The following CFHR4 variants were observed in gnomAD, a reference collection of about 807,000 sequenced individuals.
CFHR4 encodes complement factor H-related protein 4.
In CFHR4, 64 loss-of-function variants were observed where a neutral mutation model predicts 69.3. The observed-to-expected ratio is 0.92, with a 90% CI of 0.76 to 1.14. The LOEUF is 1.14. Among genes scored for constraint, CFHR4 ranks in the 50% most tolerant of loss-of-function variants. The pLI is 0.00. For synonymous variants in CFHR4, 244 were observed against 237.0 expected (o/e 1.03, Z -0.27); for missense variants, 636 against 684.9 (o/e 0.93, Z 0.80).
chr1:196,912,570 C>A lies in CFHR4; in HGVS notation c.998-170C>A, dbSNP rs527381977. Among the ~76,000 whole-genome samples, 22 of 151,516 alleles carry A rather than the reference C, an allele frequency of 1.5e-4. 2 individuals carry two copies. Among genetic ancestry groups the A allele is most frequent in the African/African-American group, 5.4e-4 (22 of 41,116 alleles). On this transcript the variant is annotated intron_variant, in intron 6 of 9. Transcript: ENST00000608469. The stretch of plus-strand genomic sequence containing the variant: ...GTCTTCAACATTTCCTTCAGAAATT[C>A]GTGGTTTCCTTTAAGAACACGGATG...
chr1:196,904,998 A>G, intron 2 of CFHR4, 110 bp from the exon 3 acceptor site: 1 of 1,073,272 alleles, frequency 9.3e-7, no homozygotes, highest in Non-Finnish European at 1.3e-6. Context: ...TTTTCAATTC[A>G]TTAACAGATG....
At chr1:196,900,833 T>C (rs2124947118) in intron 1 of CFHR4, among the ~76,000 whole-genome samples, 1 of 151,240 alleles carries the variant, frequency 6.6e-6, no homozygotes, top group Admixed American at 6.6e-5. Flanking sequence ...AAGCTCAACT[T>C]TGGAAGTTCA....
intron 1 of CFHR4, among the ~76,000 whole-genome samples, chr1:196,891,667 A>G (rs7366238): frequency 0.23 from 35,252 of 150,828 alleles, 5,957 homozygotes; most frequent in East Asian, 0.72. Flanking sequence ...GAACGTAAAT[A>G]TTAATTTCTC....
intron 1 of CFHR4, among the ~76,000 whole-genome samples, chr1:196,896,216 A>C (rs1193720656): frequency 6.7e-6 from 1 of 149,970 alleles, no homozygotes; most frequent in Admixed American, 6.7e-5. Flanking sequence ...GGCTTCCTGC[A>C]TTGTTTTCAT....
Position 196,917,017 on chromosome 1 carries a change from A to G in CFHR4, c.1541-1193A>G, listed in dbSNP as rs2124980381. ...GGAAAATATGTTTGGAGAAGTATTT[A>G]GAGTTCAAATAATATTTATTTTTGA... On this transcript the variant is annotated intron_variant, in intron 9 of 9. Transcript: ENST00000608469. 2.0e-5 allele frequency among the ~76,000 whole-genome samples: 3 copies of G among 151,770 alleles called. No individual in the cohort carries two copies. The South Asian group carries it at 6.2e-4, about 31-fold the overall frequency.
chr1:196,905,377 A>T, intron 3 of CFHR4, 87 bp downstream of exon 3: 2 of 1,548,222 alleles, frequency 1.3e-6, no homozygotes, highest in Non-Finnish European at 1.8e-6. Flanking sequence ...AAGATAGAAA[A>T]CACTTTTAGG....
At position 196,917,756 on chromosome 1, in the gene CFHR4, A is replaced by AT. The variant is rs1571459217; in HGVS notation, c.1541-454_1541-453insT. Among the ~76,000 whole-genome samples the AT allele has an allele frequency of 2.0e-5, 3 of 151,738 alleles. No individual in the cohort carries two copies. In the South Asian group the frequency reaches 6.2e-4, roughly 32 times the overall value. On this transcript the variant is annotated intron_variant, in intron 9 of 9. Coordinates refer to ENST00000608469, the MANE Select transcript of CFHR4 (RefSeq NM_001201550.3). The stretch of plus-strand genomic sequence containing the variant: ...TACCTTTCTACAGTTCTTTTTCTAC[A>AT]CTGTGGGCATAAGAGAAAAATATAA...
At chr1:196,910,539 G>A in intron 6 of CFHR4, 61 bp downstream of exon 6, 1 of 1,355,762 alleles carries the variant, frequency 7.4e-7, no homozygotes, top group Non-Finnish European at 1.0e-6. Flanking sequence ...AGAGAGAAGA[G>A]CAAACAAATG....
At chr1:196,888,287 AT>A (rs1320767846) in intron 1 of CFHR4, 79 bp downstream of exon 1, 9 of 1,412,740 alleles carry the variant, frequency 6.4e-6, no homozygotes, top group South Asian at 1.2e-5. Context: ...TATGTCTATA[AT>A]TTTTTTATAA....
At chr1:196,891,263 G>A (rs1351107532) in intron 1 of CFHR4, among the ~76,000 whole-genome samples, 1 of 151,464 alleles carries the variant, frequency 6.6e-6, no homozygotes, top group African/African-American at 2.4e-5. Flanking sequence ...AAATAAATAA[G>A]TAAATAAAAT....
intron 6 of CFHR4, 37 bp downstream of exon 6, chr1:196,910,515 CTT>C (rs1658203661): frequency 6.5e-7 from 1 of 1,530,388 alleles, no homozygotes; most frequent in Non-Finnish European, 9.0e-7. Flanking sequence ...GTGCATAAAA[CTT>C]GCAAAGAATG....
chr1:196,916,271 A>G (rs1658621725), intron 9 of CFHR4, among the ~76,000 whole-genome samples: 1 of 151,716 alleles, frequency 6.6e-6, no homozygotes, highest in Non-Finnish European at 1.5e-5. Context: ...ACAAGTTTCT[A>G]CTAGCCTATG....
rs117202844 is a variant in CFHR4 at position 196,898,131 on chromosome 1, A to T, written c.59-4287A>T. The stretch of plus-strand genomic sequence containing the variant: ...TCCACACAGCCGTTTTCTTTTCAGA[A>T]AAAAAAAAATGTAATCCTCCTTATA... On this transcript the variant is annotated intron_variant, in intron 1 of 9. Transcript: ENST00000608469. Among the ~76,000 whole-genome samples the T allele has an allele frequency of 7.8e-3, 1,133 of 145,452 alleles. 52 individuals carry two copies. Among genetic ancestry groups the T allele is most frequent in the East Asian group, 0.075 (381 of 5,104 alleles).
chr1:196,918,633 A>G lies in CFHR4; in HGVS notation c.*227A>G. ...ATAATAAAAACTACCCTTATATTGGACTTCCTATCAATGAATTAGTAAGTA... is the reference window on the plus strand; with the variant it reads ...ATAATAAAAACTACCCTTATATTGGGCTTCCTATCAATGAATTAGTAAGTA... On this transcript the variant is annotated 3_prime_UTR_variant, in exon 10 of 10. Coordinates refer to ENST00000608469, the MANE Select transcript of CFHR4 (RefSeq NM_001201550.3). The G allele has an allele frequency of 2.2e-6, 1 of 448,074 alleles. No individual in the cohort carries two copies. The highest frequency in any genetic ancestry group is 3.7e-5 in the Admixed American group (1 of 27,354). The allele number at this position is 448,074 out of a possible 1,614,324, so 27.8% of individuals were successfully genotyped here.
intron 1 of CFHR4, among the ~76,000 whole-genome samples, chr1:196,901,387 CACAAA>C (rs776624049): frequency 6.6e-6 from 1 of 151,016 alleles, no homozygotes; most frequent in Non-Finnish European, 1.5e-5. Flanking sequence ...ATTTATAATC[CACAAA>C]ACAAGACTGT....
At chr1:196,906,414 T>C (rs1296923374) in intron 3 of CFHR4, among the ~76,000 whole-genome samples, 3 of 151,608 alleles carry the variant, frequency 2.0e-5, no homozygotes, top group Admixed American at 6.6e-5. Flanking sequence ...AAAGATGCTT[T>C]AAAATTTTTA....
In CFHR4 at chr1:196,905,111, C is replaced by G; in HGVS notation, c.260C>G (p.Thr87Arg). The change falls in exon 3 of 10, where the codon ACA (threonine) becomes AGA (arginine). Residue 87 changes from threonine to arginine, a missense_variant. Physicochemically the swap from Thr to Arg is moderately conservative, Grantham distance 71 (BLOSUM62 -1). Around this residue, in one of 3 missense-constraint regions of CFHR4, gnomAD observed 529 missense variants for 533.2 expected, o/e 0.99. Coordinates refer to ENST00000608469, the MANE Select transcript of CFHR4 (RefSeq NM_001201550.3). ...TTCTCTACTTTTTCTATTTTAGGAA[C>G]ATGCTCAAAATCAGATGTAGAAATT... ...GWSPTVPCLR[T>R]CSKSDVEIEN... 1.3e-6 allele frequency: 2 copies of G among 1,592,412 alleles called. No individual in the cohort carries two copies. Among genetic ancestry groups the G allele is most frequent in the Non-Finnish European group, 1.7e-6 (2 of 1,170,384 alleles).
At chr1:196,888,853 G>A (rs978633231) in intron 1 of CFHR4, among the ~76,000 whole-genome samples, 1 of 151,258 alleles carries the variant, frequency 6.6e-6, no homozygotes, top group Non-Finnish European at 1.5e-5. Flanking sequence ...ACTAGCAAAT[G>A]TTCAATAAAT....
intron 1 of CFHR4, among the ~76,000 whole-genome samples, chr1:196,889,386 A>T (rs759157167): frequency 2.6e-5 from 4 of 151,794 alleles, no homozygotes; most frequent in Admixed American, 1.3e-4. Context: ...CATAGATTAA[A>T]GTAGAATGCA....
Sources: gnomAD v4.1 joint callset for allele counts (sites outside exome capture counted in the v4.1 genomes callset) on GRCh38, gnomAD v4.1.1 for gene constraint, gnomAD v4.1.1 regional missense constraint, MANE v1.5 for transcripts, NCBI Gene and HGNC (gene_info 2026-07-23, HGNC 2026-07-21) for gene names.